The following SNTG1 variants were observed in gnomAD, a reference collection of about 807,000 sequenced individuals.
SNTG1 encodes the protein gamma-1-syntrophin.
In SNTG1, 39 loss-of-function variants were observed where a neutral mutation model predicts 74.7. The observed-to-expected ratio is 0.52, with a 90% CI of 0.40 to 0.68. SNTG1 has a LOEUF of 0.68. SNTG1 is among the 30% of genes least tolerant of loss of function. The pLI, the probability that SNTG1 is intolerant of heterozygous loss-of-function variation, is 0.00. For synonymous variants in SNTG1, 254 were observed against 217.1 expected, an observed-to-expected ratio of 1.17 and a Z score of -1.49; for missense variants, 685 against 609.5, an observed-to-expected ratio of 1.12 and a Z score of -1.30.
At chr8:50,485,415 T>C (rs2093782631) in intron 8 of SNTG1, among the ~76,000 whole-genome samples, 1 of 152,210 alleles carries the variant, frequency 6.6e-6, no homozygotes, top group Non-Finnish European at 1.5e-5. Flanking sequence ...TTTTTTCCTT[T>C]TAACTGGTTG....
chr8:50,057,624 A>G (rs955097431), intron 1 of SNTG1, among the ~76,000 whole-genome samples: 3 of 152,108 alleles, frequency 2.0e-5, no homozygotes, highest in African/African-American at 7.2e-5. Context: ...TGCTTTAAGG[A>G]TTAAATTCAT....
intron 12 of SNTG1, among the ~76,000 whole-genome samples, chr8:50,576,512 A>C (rs145128346): frequency 6.6e-6 from 1 of 152,180 alleles, no homozygotes; most frequent in African/African-American, 2.4e-5. Flanking sequence ...ACCTCATTGA[A>C]ATTTTGATAA....
chr8:50,651,004 C>T (rs1013030309), intron 13 of SNTG1, among the ~76,000 whole-genome samples: 1 of 151,990 alleles, frequency 6.6e-6, no homozygotes, highest in South Asian at 2.1e-4. Flanking sequence ...CCTGGCCTCT[C>T]ATTTAAATTT....
chr8:50,666,502 C>T (rs1321315465), intron 15 of SNTG1, among the ~76,000 whole-genome samples: 2 of 152,122 alleles, frequency 1.3e-5, no homozygotes, highest in African/African-American at 4.8e-5. Flanking sequence ...TGAAGTATCA[C>T]ATTGGTAGTT....
intron 11 of SNTG1, among the ~76,000 whole-genome samples, chr8:50,542,867 C>A (rs920983900): frequency 6.6e-6 from 1 of 152,092 alleles, no homozygotes; most frequent in Non-Finnish European, 1.5e-5. Flanking sequence ...TTTCATATAC[C>A]TGTTGACCAT....
Position 50,122,782 on chromosome 8 carries a change from T to C in SNTG1, c.-102-49779T>C. On this transcript the variant is annotated intron_variant, in intron 1 of 18. Coordinates refer to ENST00000642720, the MANE Select transcript of SNTG1 (RefSeq NM_018967.5). ...GCACAGAGAAGAAATTCAAGAGATA[T>C]ACCAGCTAAAATACCCTAACAGTAG... 1.4e-5 allele frequency among the ~76,000 whole-genome samples: 2 copies of C among 141,356 alleles called. 1 individual carries two copies. Among genetic ancestry groups the C allele is most frequent in the Non-Finnish European group, 3.1e-5 (2 of 63,594 alleles). The allele number at this position is 141,356 out of a possible 152,430, so 92.7% of individuals were successfully genotyped here. A position where few individuals can be genotyped will look rare whatever the true frequency, so the allele number is the denominator to read the frequency against.
chr8:49,978,168 G>C (rs1324927595), intron 1 of SNTG1, among the ~76,000 whole-genome samples: 1 of 152,098 alleles, frequency 6.6e-6, no homozygotes, highest in Non-Finnish European at 1.5e-5. Context: ...GAGATGCTGG[G>C]ATATGAAAGA....
chr8:50,363,694 G>A (rs1267357568), intron 2 of SNTG1, among the ~76,000 whole-genome samples: 1 of 152,046 alleles, frequency 6.6e-6, no homozygotes, highest in Non-Finnish European at 1.5e-5. Flanking sequence ...AAGAGGACTT[G>A]CAAGTTATAT....
chr8:50,549,787 A>G (rs2094413058), intron 11 of SNTG1, among the ~76,000 whole-genome samples: 1 of 151,972 alleles, frequency 6.6e-6, no homozygotes, highest in Non-Finnish European at 1.5e-5. Flanking sequence ...CTCTCTAAAA[A>G]TTTTGCTTTC....
At chr8:50,355,782 A>G (rs1050559268) in intron 2 of SNTG1, among the ~76,000 whole-genome samples, 1 of 152,204 alleles carries the variant, frequency 6.6e-6, no homozygotes, top group Non-Finnish European at 1.5e-5. Context: ...TTTTAAGACA[A>G]TAAAACCCTC....
At chr8:50,542,078 T>G (rs752226016) in intron 11 of SNTG1, among the ~76,000 whole-genome samples, 70 of 144,198 alleles carry the variant, frequency 4.9e-4, no homozygotes, top group Admixed American at 1.9e-3. Flanking sequence ...TATATGTATA[T>G]ATACATATAT....
At chr8:50,307,639 C>A (rs1320976906) in intron 2 of SNTG1, among the ~76,000 whole-genome samples, 1 of 151,960 alleles carries the variant, frequency 6.6e-6, no homozygotes, top group Non-Finnish European at 1.5e-5. Context: ...TCATCATCTT[C>A]TTAGCTCATT....
chr8:49,934,323 CT>C lies in SNTG1; in HGVS notation c.-103+22093del, dbSNP rs879927566. ...TCTATCTATCTATCTATCTATCTAT[CT>C]ATCTATCTATCTACTCAACCCACCT... On this transcript the variant is annotated intron_variant, in intron 1 of 18. Coordinates refer to ENST00000642720, the MANE Select transcript of SNTG1 (RefSeq NM_018967.5). Among the ~76,000 whole-genome samples the C allele has an allele frequency of 8.3e-4, 124 of 149,566 alleles. 1 individual carries two copies. The highest frequency in any genetic ancestry group is 6.7e-4 in the Non-Finnish European group (45 of 66,712).
intron 1 of SNTG1, among the ~76,000 whole-genome samples, chr8:50,159,190 C>T (rs995326543): frequency 2.6e-5 from 4 of 151,710 alleles, no homozygotes; most frequent in African/African-American, 9.7e-5. Context: ...AGATTTTTGA[C>T]TATTTTAAAT....
At chr8:49,944,392 T>C (rs1808968760) in intron 1 of SNTG1, among the ~76,000 whole-genome samples, 1 of 151,866 alleles carries the variant, frequency 6.6e-6, no homozygotes, top group Admixed American at 6.6e-5. Flanking sequence ...AAAAAGATAT[T>C]TGCATAATTT....
intron 2 of SNTG1, among the ~76,000 whole-genome samples, chr8:50,305,807 AAATT>A (rs1320610296): frequency 6.6e-6 from 1 of 152,074 alleles, no homozygotes; most frequent in African/African-American, 2.4e-5. Context: ...TAAGAAATCT[AAATT>A]TCAGAGTCTC....
chr8:50,271,993 G>A (rs138711531), intron 2 of SNTG1, among the ~76,000 whole-genome samples: 2 of 152,206 alleles, frequency 1.3e-5, no homozygotes, highest in African/African-American at 4.8e-5. Context: ...TGAGAGTACA[G>A]CTAGAAGGTA....
chr8:50,176,043 G>A (rs1163377047), intron 2 of SNTG1, among the ~76,000 whole-genome samples: 2 of 152,040 alleles, frequency 1.3e-5, no homozygotes, highest in South Asian at 2.1e-4. Context: ...GGCTAGAGGC[G>A]GCCCCAGGCT....
intron 2 of SNTG1, among the ~76,000 whole-genome samples, chr8:50,219,219 C>T (rs1163993288): frequency 6.6e-6 from 1 of 152,084 alleles, no homozygotes; most frequent in Non-Finnish European, 1.5e-5. Context: ...ACTTCTAATG[C>T]CAAAAGACCT....
Sources: gnomAD v4.1 joint callset for allele counts (sites outside exome capture counted in the v4.1 genomes callset) on GRCh38, gnomAD v4.1.1 for gene constraint, MANE v1.5 for transcripts, NCBI Gene and HGNC (gene_info 2026-07-23, HGNC 2026-07-21) for gene names.